Variants in DCAF8 observed in about 807,000 individuals in gnomAD.
The protein encoded by DCAF8 is DDB1- and CUL4-associated factor 8.
DCAF8 carries 20 observed loss-of-function variants against 68.0 expected under a neutral mutation model. The ratio of observed to expected loss-of-function variants is 0.29; its 90% CI spans 0.21 to 0.43. The LOEUF (loss-of-function observed/expected upper bound fraction) is 0.43. Among genes scored for constraint, DCAF8 ranks in the 20% least tolerant of loss-of-function variants. The probability of loss-of-function intolerance (pLI) is 1.00; values close to 1 mark genes in which losing one functional copy is unlikely to be tolerated. For missense variants in DCAF8, 460 were observed against 771.0 expected (o/e 0.60, Z 4.78); for synonymous variants, 230 against 276.9 (o/e 0.83, Z 1.68).
chr1:160,240,653 T>C (rs1656073920), intron 3 of DCAF8, among the ~76,000 whole-genome samples: 1 of 152,210 alleles, frequency 6.6e-6, no homozygotes, highest in South Asian at 2.1e-4. Flanking sequence ...AGGCAAAACA[T>C]TGGCATATTG....
Position 160,217,129 on chromosome 1 carries a change from A to T in DCAF8, c.*463T>A, listed in dbSNP as rs1655144170. ...GGGGAGCCAACTGTCATAAACTTTT[A>T]AAAAACAAAGGAAGAAAAGGTCAAA... On this transcript the variant is annotated 3_prime_UTR_variant, in exon 14 of 14. Coordinates refer to ENST00000368074, the MANE Select transcript of DCAF8 (RefSeq NM_015726.4). The T allele has an allele frequency of 6.5e-6, 1 of 153,162 alleles. No individual in the cohort carries two copies. The highest frequency in any genetic ancestry group is 2.1e-4 in the South Asian group (1 of 4,814). The allele number at this position is 153,162 out of a possible 1,614,324, so 9.5% of individuals were successfully genotyped here.
intron 3 of DCAF8, among the ~76,000 whole-genome samples, chr1:160,241,032 G>A (rs1304716884): frequency 1.3e-5 from 2 of 152,130 alleles, no homozygotes; most frequent in Non-Finnish European, 2.9e-5. Context: ...GGCGCCTGTA[G>A]TCCCAGCTAC....
intron 6 of DCAF8, among the ~76,000 whole-genome samples, chr1:160,235,221 C>T (rs1655827935): frequency 6.6e-6 from 1 of 151,992 alleles, no homozygotes; most frequent in Non-Finnish European, 1.5e-5. Context: ...GCAACCTCCA[C>T]CTCCTGGGCT....
chr1:160,257,504 GA>G (rs1656885909), intron 2 of DCAF8, among the ~76,000 whole-genome samples: 1 of 152,158 alleles, frequency 6.6e-6, no homozygotes, highest in Non-Finnish European at 1.5e-5. Context: ...TCCCCTGATA[GA>G]ATACAAGACT....
intron 2 of DCAF8, among the ~76,000 whole-genome samples, chr1:160,253,043 AAAAC>A (rs1571112353): frequency 6.6e-6 from 1 of 152,240 alleles, no homozygotes; most frequent in Admixed American, 6.5e-5. Flanking sequence ...ATATCTCACT[AAAAC>A]AAACAATTAG....
chr1:160,225,581 T>G lies in DCAF8; in HGVS notation c.1143+10A>C, dbSNP rs1266037888. On this transcript the variant is annotated intron_variant, in intron 8 of 13. Transcript: ENST00000368074. ...GAAGCCTGCAGCAACTGGCCCTTCA[T>G]GAATCTTACCAGGTGATGAGGACAG... 3 of 1,610,430 alleles carry G rather than the reference T, an allele frequency of 1.9e-6. No individual in the cohort carries two copies. Among genetic ancestry groups the G allele is most frequent in the East Asian group, 2.2e-5 (1 of 44,838 alleles).
chr1:160,233,842 T>C (rs1655778041), intron 6 of DCAF8, among the ~76,000 whole-genome samples: 1 of 152,190 alleles, frequency 6.6e-6, no homozygotes, highest in Non-Finnish European at 1.5e-5. Context: ...CCTTGAACTC[T>C]GCAGGGGGCA....
intron 2 of DCAF8, 80 bp downstream of exon 2, chr1:160,261,205 T>C (rs1657075935): frequency 6.6e-6 from 1 of 152,246 alleles, no homozygotes; most frequent in South Asian, 2.1e-4. Flanking sequence ...AGGAATTTTA[T>C]GACTTTAGTG....
Position 160,239,787 on chromosome 1 carries a change from G to A in DCAF8, c.633C>T (p.Gly211=). ...FNQRGTWLAS[G]SDDLKVVVWD... ...ACACCACCACCTTCAGGTCATCGCTGCCACTGGCCAGCCAGGTGCCGCGCT... is the reference window on the plus strand; with the variant it reads ...ACACCACCACCTTCAGGTCATCGCTACCACTGGCCAGCCAGGTGCCGCGCT... Residue 211 remains glycine, a synonymous_variant, in exon 4 of 14, where the codon GGC becomes GGT. Coordinates refer to ENST00000368074, the MANE Select transcript of DCAF8 (RefSeq NM_015726.4). 1.2e-6 allele frequency: 2 copies of A among 1,614,220 alleles called. No individual in the cohort carries two copies. Among genetic ancestry groups the A allele is most frequent in the Non-Finnish European group, 8.5e-7 (1 of 1,180,040 alleles).
At chr1:160,230,702 A>C (rs1174567101) in intron 7 of DCAF8, among the ~76,000 whole-genome samples, 1 of 152,196 alleles carries the variant, frequency 6.6e-6, no homozygotes, top group Admixed American at 6.5e-5. Context: ...TGGTAAACCT[A>C]AATTTATGGC....
rs937231825 is a variant in DCAF8, at chr1:160,225,654, G to A, written c.1080C>T (p.Asp360=). 1 of 1,612,666 alleles carries A rather than the reference G, an allele frequency of 6.2e-7. No individual in the cohort carries two copies. The highest frequency in any genetic ancestry group is 8.5e-7 in the Non-Finnish European group (1 of 1,178,896). Residue 360 remains aspartate (D), a synonymous_variant, in exon 8 of 14, where the codon GAC becomes GAT. Transcript: ENST00000368074. ...TCTCATTCTCATCAATTTTCCTCTG[G>A]TCATAAATCCTACAGTTGGAAAAGC... ...GGRDQFVRIY[D]QRKIDENENN... is the part of the protein sequence containing the mutation.
At chr1:160,238,816 T>C (rs1655982676) in intron 4 of DCAF8, 69 bp from the exon 5 acceptor site, 4 of 1,442,750 alleles carry the variant, frequency 2.8e-6, no homozygotes, top group Non-Finnish European at 2.8e-6. Flanking sequence ...GAATAAAAAA[T>C]ACGATGATGA....
intron 8 of DCAF8, 120 bp from the exon 9 acceptor site, chr1:160,225,239 A>T (rs1254200700): frequency 1.7e-5 from 16 of 963,994 alleles, no homozygotes; most frequent in Non-Finnish European, 2.4e-5. Flanking sequence ...AGAAAGACAG[A>T]CAGAGACAAG....
chr1:160,221,701 C>T (rs1571079342), intron 11 of DCAF8, among the ~76,000 whole-genome samples: 1 of 151,634 alleles, frequency 6.6e-6, no homozygotes, highest in East Asian at 1.9e-4. Flanking sequence ...CTTGGATAAC[C>T]AGACTATTCT....
At chr1:160,236,261 CAA>C (rs71574364) in intron 6 of DCAF8, among the ~76,000 whole-genome samples, 11,224 of 150,966 alleles carry the variant, frequency 0.074, 728 homozygotes, top group African/African-American at 0.18. Context: ...GCATCACACA[CAA>C]ACACACACAC....
rs1279618804 is a variant in DCAF8, at chr1:160,217,377, C to A, written c.*215G>T. 9 of 482,742 alleles carry A rather than the reference C, an allele frequency of 1.9e-5. No homozygotes were observed. The Admixed American group carries it at 3.4e-4, about 18-fold the overall frequency. 29.9% of individuals were successfully genotyped at this position (482,742 alleles called of 1,614,324 possible). On this transcript the variant is annotated 3_prime_UTR_variant, in exon 14 of 14. Transcript: ENST00000368074. ...CATTTCTGCCGAGTCCTATGCACCT[C>A]TCCATAGAGCCCCATTCCAGGGCTC...
intron 10 of DCAF8, among the ~76,000 whole-genome samples, chr1:160,224,067 C>T (rs1485519045): frequency 1.3e-5 from 2 of 152,220 alleles, no homozygotes; most frequent in Non-Finnish European, 2.9e-5. Context: ...GTTTACTCCT[C>T]CTTCCTAGAG....
intron 4 of DCAF8, 153 bp downstream of exon 4, chr1:160,239,544 T>C: frequency 1.9e-6 from 3 of 1,554,428 alleles, no homozygotes; most frequent in Non-Finnish European, 2.6e-6. Flanking sequence ...AGTCTTTCAG[T>C]GTATTTAGGT....
chr1:160,225,666 A>G lies in DCAF8; in HGVS notation c.1071-3T>C, dbSNP rs747640326. 1 of 1,611,356 alleles carries G rather than the reference A, an allele frequency of 6.2e-7. No homozygotes were observed. Among genetic ancestry groups the G allele is most frequent in the East Asian group, 2.2e-5 (1 of 44,848 alleles). On this transcript the variant is annotated splice_polypyrimidine_tract_variant and splice_region_variant and intron_variant, in intron 7 of 13. Coordinates refer to ENST00000368074, the MANE Select transcript of DCAF8 (RefSeq NM_015726.4). ...CAATTTTCCTCTGGTCATAAATCCT[A>G]CAGTTGGAAAAGCAATGAAAATGTA...
Sources: gnomAD v4.1 joint callset for allele counts (sites outside exome capture counted in the v4.1 genomes callset) on GRCh38, gnomAD v4.1.1 for gene constraint, MANE v1.5 for transcripts, NCBI Gene and HGNC (gene_info 2026-07-23, HGNC 2026-07-21) for gene names.